HCN1: variants seen among roughly 807,000 people sequenced by gnomAD.
The protein encoded by HCN1 is hyperpolarization activated cyclic nucleotide gated potassium channel 1, also known as potassium/sodium hyperpolarization-activated cyclic nucleotide-gated channel 1.
HCN1 carries 13 observed loss-of-function variants against 78.9 expected under a neutral mutation model. The ratio of observed to expected loss-of-function variants is 0.16; its 90% CI spans 0.11 to 0.26. The LOEUF (loss-of-function observed/expected upper bound fraction) is 0.26. HCN1 is among the 10% of genes least tolerant of loss of function. The pLI, the probability that HCN1 is intolerant of heterozygous loss-of-function variation, is 1.00. For synonymous variants in HCN1, 552 were observed against 455.5 expected, an observed-to-expected ratio of 1.21 and a Z score of -2.70; for missense variants, 810 against 1,154.3, an observed-to-expected ratio of 0.70 and a Z score of 4.32.
At chr5:45,542,805 A>T (rs1039624861) in intron 2 of HCN1, among the ~76,000 whole-genome samples, 4 of 152,178 alleles carry the variant, frequency 2.6e-5, no homozygotes, top group Non-Finnish European at 5.9e-5. Context: ...TATTACACTG[A>T]AATATTTAAC....
At chr5:45,685,918 C>T (rs570413511) in intron 1 of HCN1, among the ~76,000 whole-genome samples, 1 of 152,158 alleles carries the variant, frequency 6.6e-6, no homozygotes, top group South Asian at 2.1e-4. Flanking sequence ...AGAGTATGTA[C>T]TTAGAGAATA....
intron 2 of HCN1, among the ~76,000 whole-genome samples, chr5:45,638,732 G>A (rs1016971978): frequency 2.6e-5 from 4 of 152,074 alleles, no homozygotes; most frequent in African/African-American, 4.8e-5. Flanking sequence ...GTGAAACCCT[G>A]TCTCTACTAC....
At chr5:45,428,771 C>G (rs1740404638) in intron 3 of HCN1, among the ~76,000 whole-genome samples, 1 of 151,954 alleles carries the variant, frequency 6.6e-6, no homozygotes, top group Non-Finnish European at 1.5e-5. Context: ...GAATGAGTAA[C>G]AGTCCACTGA....
At chr5:45,580,555 A>C (rs184771542) in intron 2 of HCN1, among the ~76,000 whole-genome samples, 46 of 152,040 alleles carry the variant, frequency 3.0e-4, no homozygotes, top group Admixed American at 1.2e-3. Context: ...TGTTTATTAT[A>C]CTTTTAAGTT....
chr5:45,473,044 T>C (rs1204732237), intron 2 of HCN1, among the ~76,000 whole-genome samples: 1 of 151,968 alleles, frequency 6.6e-6, no homozygotes, highest in Non-Finnish European at 1.5e-5. Flanking sequence ...AGTTCTACTT[T>C]CTCCTGCTCT....
Position 45,261,503 on chromosome 5 carries a change from G to A in HCN1, c.*418C>T, listed in dbSNP as rs1230430442. ...GCAGAGACACAGCTAATGAAAGAAA[G>A]TTTTGATTGGTGCTATTTACTAGTT... On this transcript the variant is annotated 3_prime_UTR_variant, in exon 8 of 8. Transcript: ENST00000303230. The A allele has an allele frequency of 6.4e-6, 1 of 155,580 alleles. No individual in the cohort carries two copies. Among genetic ancestry groups the A allele is most frequent in the Non-Finnish European group, 1.4e-5 (1 of 70,080 alleles). The allele number at this position is 155,580 out of a possible 1,614,324, so 9.6% of individuals were successfully genotyped here. A position where few individuals can be genotyped will look rare whatever the true frequency, so the allele number is the denominator to read the frequency against.
At chr5:45,387,683 A>T (rs1747953540) in intron 4 of HCN1, among the ~76,000 whole-genome samples, 1 of 152,016 alleles carries the variant, frequency 6.6e-6, no homozygotes, top group East Asian at 1.9e-4. Context: ...ATATCTCCAC[A>T]TTCTCTGTCA....
intron 3 of HCN1, among the ~76,000 whole-genome samples, chr5:45,427,954 TCAG>T (rs1304200104): frequency 6.6e-6 from 1 of 152,068 alleles, no homozygotes; most frequent in African/African-American, 2.4e-5. Context: ...CTTTATATCC[TCAG>T]CCTGTGAAAT....
chr5:45,267,821 C>G (rs1030414668), intron 6 of HCN1, among the ~76,000 whole-genome samples: 1 of 151,926 alleles, frequency 6.6e-6, no homozygotes, highest in Non-Finnish European at 1.5e-5. Context: ...GGTTTAAATG[C>G]AAGGCTGAAA....
At chr5:45,611,678 C>G (rs1171743873) in intron 2 of HCN1, among the ~76,000 whole-genome samples, 1 of 152,112 alleles carries the variant, frequency 6.6e-6, no homozygotes, top group Non-Finnish European at 1.5e-5. Flanking sequence ...TGTACCACTA[C>G]AGTAGCATGC....
At chr5:45,293,353 A>G (rs574258488) in intron 6 of HCN1, among the ~76,000 whole-genome samples, 1 of 152,086 alleles carries the variant, frequency 6.6e-6, no homozygotes, top group East Asian at 1.9e-4. Flanking sequence ...GATCAGTGAT[A>G]TTAGCCAGGC....
intron 5 of HCN1, among the ~76,000 whole-genome samples, chr5:45,336,622 C>T (rs924008075): frequency 2.6e-5 from 4 of 151,970 alleles, no homozygotes; most frequent in Non-Finnish European, 4.4e-5. Flanking sequence ...TAGGTAGAAC[C>T]GGTGTAGCAA....
intron 1 of HCN1, among the ~76,000 whole-genome samples, chr5:45,676,370 GGTCA>G (rs1481550041): frequency 1.3e-5 from 2 of 151,364 alleles, no homozygotes; most frequent in African/African-American, 4.8e-5. Flanking sequence ...TATTTTTATT[GGTCA>G]ATCAGATACA....
intron 5 of HCN1, among the ~76,000 whole-genome samples, chr5:45,330,008 C>G (rs1205065218): frequency 6.6e-6 from 1 of 151,274 alleles, no homozygotes; most frequent in Non-Finnish European, 1.5e-5. Flanking sequence ...AGAGATTTTA[C>G]TTTGGAAAAA....
intron 4 of HCN1, among the ~76,000 whole-genome samples, chr5:45,359,718 C>T (rs776252712): frequency 1.4e-4 from 22 of 151,840 alleles, no homozygotes; most frequent in Non-Finnish European, 2.5e-4. Flanking sequence ...GGACAACCTA[C>T]AGCATCAGAT....
intron 2 of HCN1, among the ~76,000 whole-genome samples, chr5:45,621,910 A>T (rs1745069511): frequency 6.6e-6 from 1 of 152,204 alleles, no homozygotes; most frequent in Non-Finnish European, 1.5e-5. Flanking sequence ...CTTATCATTT[A>T]GTGAAATCCA....
At chr5:45,401,531 C>A (rs1193198763) in intron 3 of HCN1, among the ~76,000 whole-genome samples, 1 of 151,980 alleles carries the variant, frequency 6.6e-6, no homozygotes, top group East Asian at 1.9e-4. Flanking sequence ...TCCTTGGCAG[C>A]TGCTGGATTT....
chr5:45,543,916 A>C (rs774158962), intron 2 of HCN1, among the ~76,000 whole-genome samples: 1 of 152,120 alleles, frequency 6.6e-6, no homozygotes, highest in Non-Finnish European at 1.5e-5. Flanking sequence ...TGATCAATAT[A>C]TAAAGCAGAT....
chr5:45,503,029 T>C (rs970905876), intron 2 of HCN1, among the ~76,000 whole-genome samples: 4 of 152,218 alleles, frequency 2.6e-5, no homozygotes, highest in South Asian at 2.1e-4. Flanking sequence ...AATAAATTAA[T>C]GGGAAGACTC....
Sources: allele counts gnomAD v4.1 joint callset (sites outside exome capture counted in the v4.1 genomes callset), GRCh38; gene constraint gnomAD v4.1.1; transcripts MANE v1.5; gene names NCBI Gene and HGNC (gene_info 2026-07-23, HGNC 2026-07-21).